RSPH3: variants seen among roughly 807,000 people sequenced by gnomAD.
RSPH3 encodes the protein radial spoke head protein 3 homolog.
RSPH3 carries 21 observed loss-of-function variants against 43.8 expected under a neutral mutation model. The ratio of observed to expected loss-of-function variants is 0.48; its 90% CI spans 0.34 to 0.69. The LOEUF is 0.69. Among genes scored for constraint, RSPH3 ranks in the 30% least tolerant of loss-of-function variants. RSPH3 has a pLI of 0.01. For missense variants in RSPH3, 487 were observed against 516.0 expected, an observed-to-expected ratio of 0.94 and a Z score of 0.54; for synonymous variants, 173 against 179.8, an observed-to-expected ratio of 0.96 and a Z score of 0.30.
intron 2 of RSPH3, among the ~76,000 whole-genome samples, chr6:158,990,006 C>CT (rs1562564894): frequency 6.6e-6 from 1 of 152,148 alleles, no homozygotes. Context: ...GAAAGAGAGA[C>CT]TGGCCTAGCC....
At chr6:158,994,533 C>G (rs1562567225) in intron 1 of RSPH3, among the ~76,000 whole-genome samples, 1 of 152,188 alleles carries the variant, frequency 6.6e-6, no homozygotes, top group Non-Finnish European at 1.5e-5. Flanking sequence ...CACCTGTAAT[C>G]CCAGCTGCTC....
chr6:158,998,163 T>C (rs1193354222), intron 1 of RSPH3, among the ~76,000 whole-genome samples: 1 of 146,020 alleles, frequency 6.8e-6, no homozygotes, highest in Admixed American at 6.9e-5. Context: ...AGAGTTTATG[T>C]TTTTTTTGCT....
chr6:158,998,747 T>C (rs937342421), intron 1 of RSPH3, among the ~76,000 whole-genome samples: 1 of 148,756 alleles, frequency 6.7e-6, no homozygotes, highest in Non-Finnish European at 1.5e-5. Context: ...TCCCAGCTAC[T>C]TGGGAGGCTG....
chr6:158,983,633 T>C, intron 4 of RSPH3, 29 bp downstream of exon 4: 2 of 1,576,188 alleles, frequency 1.3e-6, no homozygotes, highest in Non-Finnish European at 1.7e-6. Flanking sequence ...ATAAAGATTA[T>C]AGAGGGAAGC....
chr6:158,972,139 G>A (rs188118320), downstream of RSPH3, among the ~76,000 whole-genome samples: 5 of 152,214 alleles, frequency 3.3e-5, no homozygotes, highest in Admixed American at 1.3e-4. Context: ...GGTTATAACA[G>A]GCAGGTTTTG....
the RSPH3 span, among the ~76,000 whole-genome samples, chr6:158,967,687 T>C: frequency 6.6e-6 from 1 of 152,228 alleles, no homozygotes; most frequent in African/African-American, 2.4e-5. Context: ...TTTTGAAATA[T>C]CTATTGCTTT....
At chr6:158,992,589 T>C (rs913603063) in intron 2 of RSPH3, among the ~76,000 whole-genome samples, 14 of 151,716 alleles carry the variant, frequency 9.2e-5, no homozygotes, top group Non-Finnish European at 1.3e-4. Flanking sequence ...CCACCACGCC[T>C]GGCCTCTGAG....
intron 3 of RSPH3, among the ~76,000 whole-genome samples, chr6:158,984,434 TTATATA>T (rs55999313): frequency 0.34 from 21,236 of 63,076 alleles, 3,106 homozygotes; most frequent in Non-Finnish European, 0.38. Flanking sequence ...AAAAAGTCAA[TTATATA>T]TATATATATA....
At chr6:158,984,042 G>T (rs1778129291) in intron 3 of RSPH3, among the ~76,000 whole-genome samples, 1 of 152,032 alleles carries the variant, frequency 6.6e-6, no homozygotes, top group African/African-American at 2.4e-5. Flanking sequence ...GCTGAGGTGG[G>T]AGAACTGCTT....
chr6:158,999,723 G>A lies in RSPH3; in HGVS notation c.-173C>T, dbSNP rs1778789326. The stretch of plus-strand genomic sequence containing the variant: ...GGACGGGAGGTTACCAGCGCAGGAG[G>A]TGGGAGCTATACTGGGCTCGCTCCC... On this transcript the variant is annotated 5_prime_UTR_variant, in exon 1 of 8. Transcript: ENST00000367069. The A allele has an allele frequency of 3.7e-6, 6 of 1,613,620 alleles. No homozygotes were observed. Among genetic ancestry groups the A allele is most frequent in the Non-Finnish European group, 5.1e-6 (6 of 1,179,744 alleles).
At position 158,986,405 on chromosome 6, in the gene RSPH3, G is replaced by C. The variant is rs748305732; in HGVS notation, c.221C>G (p.Ser74Cys). 12 of 1,613,000 alleles carry C rather than the reference G, an allele frequency of 7.4e-6. No homozygotes were observed. Among genetic ancestry groups the C allele is most frequent in the Middle Eastern group, 1.6e-4 (1 of 6,072 alleles). ...QTGPLLGRPDSLELQRQREAR... is the reference protein window; with the variant it reads ...QTGPLLGRPDCLELQRQREAR... ...CTCCCGTTGTCTCTGGAGCTCTAGAGAATCAGGCCGTCCGAGCTAACAGTG... is the reference window on the plus strand; with the variant it reads ...CTCCCGTTGTCTCTGGAGCTCTAGACAATCAGGCCGTCCGAGCTAACAGTG... Residue 74 changes from serine to cysteine, a missense_variant, in exon 3 of 8, where the codon TCT becomes TGT. Physicochemically the swap from Ser to Cys is moderately radical, Grantham distance 112. Transcript: ENST00000367069.
At chr6:158,972,636 C>A (rs60073639), downstream of RSPH3, among the ~76,000 whole-genome samples, 2 of 152,020 alleles carry the variant, frequency 1.3e-5, no homozygotes, top group Admixed American at 6.6e-5. Flanking sequence ...CAAAAATGTT[C>A]GTATTTATAA....
At chr6:158,971,708 A>C (rs2128603735), downstream of RSPH3, among the ~76,000 whole-genome samples, 1 of 152,284 alleles carries the variant, frequency 6.6e-6, no homozygotes, top group Non-Finnish European at 1.5e-5. Context: ...TCCACTGCAA[A>C]GTCTGTTGAC....
At position 158,984,434 on chromosome 6, in the gene RSPH3, T is replaced by TTTTATATATATATATACATA. The variant is rs1300418942; in HGVS notation, c.347-628_347-627insTATGTATATATATATATAAA. ...AGTACAACAGTGGATAAAAAGTCAA[T>TTTTATATATATATATACATA]TATATATATATATATATATATATAT... On this transcript the variant is annotated intron_variant, in intron 3 of 7. Transcript: ENST00000367069. Among the ~76,000 whole-genome samples, 13 of 63,708 alleles carry TTTTATATATATATATACATA rather than the reference T, an allele frequency of 2.0e-4. 1 individual carries two copies. The highest frequency in any genetic ancestry group is 9.8e-4 in the African/African-American group (12 of 12,296). The allele number at this position is 63,708 out of a possible 152,430, so 41.8% of individuals were successfully genotyped here.
At chr6:158,977,989 C>T in intron 7 of RSPH3, 141 bp from the exon 8 acceptor site, 1 of 686,768 alleles carries the variant, frequency 1.5e-6, no homozygotes, top group South Asian at 2.0e-5. Context: ...TTTTGGAAGT[C>T]AGCATACTTC....
downstream of RSPH3, among the ~76,000 whole-genome samples, chr6:158,971,923 G>C (rs1232896780): frequency 6.6e-6 from 1 of 152,108 alleles, no homozygotes; most frequent in Admixed American, 6.5e-5. Context: ...AAAAGTAATA[G>C]TAACCAGGAT....
intron 7 of RSPH3, 64 bp from the exon 8 acceptor site, chr6:158,977,912 A>G: frequency 7.3e-7 from 1 of 1,362,232 alleles, no homozygotes; most frequent in Non-Finnish European, 1.0e-6. Context: ...CAGGAGTTAT[A>G]ATGCTCACTT....
At position 158,982,783 on chromosome 6, in the gene RSPH3, TTAAG is replaced by T. The variant is rs1778079050; in HGVS notation, c.493-99_493-96del. On this transcript the variant is annotated intron_variant, in intron 4 of 7. Coordinates refer to ENST00000367069, the MANE Select transcript of RSPH3 (RefSeq NM_031924.8). ...AATAGCAATAACAAGATATTATTTATTAAGTGTCTCCTGTGTGCCAGACACTGTG... is the reference window on the plus strand; with the variant it reads ...AATAGCAATAACAAGATATTATTTATTGTCTCCTGTGTGCCAGACACTGTG... 7 of 805,230 alleles carry T rather than the reference TTAAG, an allele frequency of 8.7e-6. No homozygotes were observed. The East Asian group carries it at 1.6e-4, about 18-fold the overall frequency. 49.9% of individuals were successfully genotyped at this position (805,230 alleles called of 1,614,324 possible).
chr6:158,999,477 A>T lies in RSPH3; in HGVS notation c.74T>A (p.Leu25Gln). The T allele has an allele frequency of 6.6e-7, 1 of 1,522,506 alleles. No individual in the cohort carries two copies. The highest frequency in any genetic ancestry group is 8.8e-7 in the Non-Finnish European group (1 of 1,135,654). 94.3% of individuals were successfully genotyped at this position (1,522,506 alleles called of 1,614,324 possible). A position where few individuals can be genotyped will look rare whatever the true frequency, so the allele number is the denominator to read the frequency against. The change falls in exon 1 of 8, where the codon CTG (leucine) becomes CAG (glutamine). Residue 25 changes from leucine to glutamine, a missense_variant. Leu to Gln is a moderately radical substitution (Grantham distance 113). Coordinates refer to ENST00000367069, the MANE Select transcript of RSPH3 (RefSeq NM_031924.8). The part of the protein sequence containing the change: ...TYTYTSRPRA[L>Q]PCQRSRYRDS... ...CCGGTAACGGCTGCGCTGGCAGGGC[A>T]GTGCTCGGGGCCGGCTGGTGTAGGT...
Sources: gnomAD v4.1 joint callset for allele counts (sites outside exome capture counted in the v4.1 genomes callset) on GRCh38, gnomAD v4.1.1 for gene constraint, MANE v1.5 for transcripts, NCBI Gene and HGNC (gene_info 2026-07-23, HGNC 2026-07-21) for gene names.